Variants in ADH5 observed in about 807,000 individuals in gnomAD.
The protein encoded by ADH5 is alcohol dehydrogenase 5 (class III), chi polypeptide, also known as alcohol dehydrogenase class-3.
ADH5 carries 32 observed loss-of-function variants against 40.3 expected under a neutral mutation model. The observed-to-expected ratio is 0.79, with a 90% CI of 0.60 to 1.07. ADH5 has a LOEUF of 1.07. ADH5 is among the 50% of genes least tolerant of loss of function. The pLI is 0.00. For missense variants in ADH5, 353 were observed against 460.5 expected, an observed-to-expected ratio of 0.77 and a Z score of 2.14; for synonymous variants, 125 against 154.3, an observed-to-expected ratio of 0.81 and a Z score of 1.41.
Position 99,082,143 on chromosome 4 carries a change from T to C in ADH5, c.115-27A>G, listed in dbSNP as rs192301398. 16 of 1,609,208 alleles carry C rather than the reference T, an allele frequency of 9.9e-6. No individual in the cohort carries two copies. In the East Asian group the frequency reaches 3.1e-4, roughly 31 times the overall value. On this transcript the variant is annotated intron_variant, in intron 2 of 8. Coordinates refer to ENST00000296412, the MANE Select transcript of ADH5 (RefSeq NM_000671.4). ...TATCAGGACATTAAAACAACGAATG[T>C]GTAAGTATGTGTGCATGCAATTCAG...
At chr4:99,086,561 C>A (rs1455501585) in intron 1 of ADH5, among the ~76,000 whole-genome samples, 1 of 152,060 alleles carries the variant, frequency 6.6e-6, no homozygotes, top group Non-Finnish European at 1.5e-5. Context: ...TCACTTCTAA[C>A]CAGGATACTG....
In ADH5 at chr4:99,071,619, G is replaced by C. The variant is rs1364968987; in HGVS notation, c.*798C>G. 3 of 152,176 alleles carry C rather than the reference G, an allele frequency of 2.0e-5. No individual in the cohort carries two copies. The highest frequency in any genetic ancestry group is 6.5e-5 in the Admixed American group (1 of 15,276). 9.4% of individuals were successfully genotyped at this position (152,176 alleles called of 1,614,324 possible). On this transcript the variant is annotated 3_prime_UTR_variant, in exon 9 of 9. Coordinates refer to ENST00000296412, the MANE Select transcript of ADH5 (RefSeq NM_000671.4). ...GTAGATGGTTTAGGTTATACACAGT[G>C]AAAGTACAACAACACAGGAATGATA...
At position 99,076,928 on chromosome 4, in the gene ADH5, AG is replaced by A. The variant is rs763871729; in HGVS notation, c.345-6del. 5 of 1,594,678 alleles carry A rather than the reference AG, an allele frequency of 3.1e-6. No homozygotes were observed. Among genetic ancestry groups the A allele is most frequent in the East Asian group, 2.2e-5 (1 of 44,778 alleles). On this transcript the variant is annotated splice_region_variant and splice_polypyrimidine_tract_variant and intron_variant, in intron 4 of 8. Transcript: ENST00000296412. Reference sequence around the variant, plus strand: ...AATCCTTTCCCTTGAGTGACTCTAAAGAAAAAAAAAGGAAAAAGGCAAGTTG... The same window carrying A: ...AATCCTTTCCCTTGAGTGACTCTAAAAAAAAAAAAGGAAAAAGGCAAGTTG...
intron 6 of ADH5, 30 bp downstream of exon 6, chr4:99,076,262 A>G: frequency 6.3e-7 from 1 of 1,597,850 alleles, no homozygotes; most frequent in Non-Finnish European, 8.5e-7. Context: ...GCAGTTCCAT[A>G]AACTAAAAAG....
At chr4:99,078,605 A>C (rs1460055539) in intron 4 of ADH5, among the ~76,000 whole-genome samples, 1 of 152,046 alleles carries the variant, frequency 6.6e-6, no homozygotes, top group Non-Finnish European at 1.5e-5. Context: ...TTTCACCAAG[A>C]TGTGCAGGCT....
intron 2 of ADH5, among the ~76,000 whole-genome samples, chr4:99,082,935 C>T (rs1728054542): frequency 6.6e-6 from 1 of 152,184 alleles, no homozygotes; most frequent in Non-Finnish European, 1.5e-5. Context: ...CTTGGCCTCC[C>T]AAAGTGCTGG....
At chr4:99,079,129 C>T (rs982184335) in intron 4 of ADH5, among the ~76,000 whole-genome samples, 1 of 152,188 alleles carries the variant, frequency 6.6e-6, no homozygotes, top group African/African-American at 2.4e-5. Context: ...TCTTACGACT[C>T]AGCAATTATA....
rs192783552 is a variant in ADH5, at chr4:99,087,265, C to T, written c.12+1424G>A. On this transcript the variant is annotated intron_variant, in intron 1 of 8. Coordinates refer to ENST00000296412, the MANE Select transcript of ADH5 (RefSeq NM_000671.4). ...AGCATGGTGACGGGCGCCGGTAATC[C>T]CAGCTACTCGGGAGGCTGAGACAGG... Among the ~76,000 whole-genome samples the T allele has an allele frequency of 3.0e-3, 461 of 151,576 alleles. 9 individuals carry two copies. The highest frequency in any genetic ancestry group is 0.011 in the African/African-American group (443 of 41,334).
At chr4:99,083,518 T>G (rs1374634527) in intron 2 of ADH5, among the ~76,000 whole-genome samples, 2 of 147,116 alleles carry the variant, frequency 1.4e-5, no homozygotes, top group Non-Finnish European at 3.0e-5. Context: ...GAGAATTGCT[T>G]GAACCTGGGA....
At chr4:99,074,118 GTAGA>G (rs1727879714) in intron 7 of ADH5, among the ~76,000 whole-genome samples, 1 of 152,118 alleles carries the variant, frequency 6.6e-6, no homozygotes, top group Non-Finnish European at 1.5e-5. Flanking sequence ...ATAATATGAG[GTAGA>G]GGACCTTAAA....
At chr4:99,078,600 C>T in intron 4 of ADH5, among the ~76,000 whole-genome samples, 1 of 152,114 alleles carries the variant, frequency 6.6e-6, no homozygotes, top group Non-Finnish European at 1.5e-5. Flanking sequence ...GGGGGTTTCA[C>T]CAAGATGTGC....
chr4:99,072,428 C>A lies in ADH5; in HGVS notation c.1114G>T (p.Val372Leu). The part of the protein sequence containing the change: ...MHSGKSIRTV[V>L]KI ...TTTTCTCTTTTGAATTAAATCTTTA[C>A]AACAGTTCGAATGCTGTAAAAGGAA... Residue 372 changes from valine to leucine, a missense_variant, in exon 9 of 9, where the codon GTA becomes TTA. Transcript: ENST00000296412. 1 of 1,613,218 alleles carries A rather than the reference C, an allele frequency of 6.2e-7. No individual in the cohort carries two copies. The highest frequency in any genetic ancestry group is 8.5e-7 in the Non-Finnish European group (1 of 1,179,400).
In ADH5 at chr4:99,076,273, G is replaced by C. The variant is rs765043980; in HGVS notation, c.825+19C>G. On this transcript the variant is annotated intron_variant, in intron 6 of 8. Coordinates refer to ENST00000296412, the MANE Select transcript of ADH5 (RefSeq NM_000671.4). ...AAAAGCAGTTCCATAAACTAAAAAG[G>C]AATGAAGCCCATACTCACCATGACC... 1.2e-6 allele frequency: 2 copies of C among 1,608,224 alleles called. No individual in the cohort carries two copies. The highest frequency in any genetic ancestry group is 1.7e-6 in the Non-Finnish European group (2 of 1,176,304).
At chr4:99,087,512 C>T (rs1368759534) in intron 1 of ADH5, among the ~76,000 whole-genome samples, 2 of 152,032 alleles carry the variant, frequency 1.3e-5, no homozygotes, top group African/African-American at 4.8e-5. Flanking sequence ...TCAGACACTG[C>T]ATTAGAACCT....
intron 3 of ADH5, 105 bp downstream of exon 3, chr4:99,081,870 T>C: frequency 8.8e-7 from 1 of 1,142,584 alleles, no homozygotes; most frequent in Non-Finnish European, 1.2e-6. Context: ...ACAATCTACT[T>C]AGATGATACC....
At chr4:99,073,782 A>G (rs557006751) in intron 7 of ADH5, among the ~76,000 whole-genome samples, 2 of 152,356 alleles carry the variant, frequency 1.3e-5, no homozygotes, top group African/African-American at 2.4e-5. Flanking sequence ...CCTCAATGAT[A>G]CAATGAATTT....
intron 1 of ADH5, among the ~76,000 whole-genome samples, chr4:99,087,481 T>G (rs1270100917): frequency 6.6e-6 from 1 of 152,174 alleles, no homozygotes; most frequent in African/African-American, 2.4e-5. Context: ...TTGCAGATAT[T>G]AAATCTCATA....
Position 99,088,721 on chromosome 4 carries a change from G to T in ADH5, c.-21C>A, listed in dbSNP as rs868672962. 1 of 1,606,104 alleles carries T rather than the reference G, an allele frequency of 6.2e-7. No individual in the cohort carries two copies. The highest frequency in any genetic ancestry group is 2.3e-5 in the East Asian group (1 of 44,424). On this transcript the variant is annotated 5_prime_UTR_variant, in exon 1 of 9. Coordinates refer to ENST00000296412, the MANE Select transcript of ADH5 (RefSeq NM_000671.4). ...GCCATGTTCACGGATTCTGGTCGGC[G>T]CGGGGGGCTGACATCCGGGGTGGGC...
In ADH5 at chr4:99,085,217, C is replaced by T. The variant is rs1377225998; in HGVS notation, c.13-1G>A. On this transcript the variant is annotated splice_acceptor_variant, in intron 1 of 8. Transcript: ENST00000296412. LOFTEE classifies it high-confidence loss of function. ...CAACTGCAGCCTTGCACTTGATAAC[C>T]TGAAGTGGGGAAAAAAGGGAATAAG... 5.4e-6 allele frequency: 8 copies of T among 1,478,412 alleles called. No homozygotes were observed. The highest frequency in any genetic ancestry group is 1.4e-5 in the African/African-American group (1 of 70,766). 91.6% of individuals were successfully genotyped at this position (1,478,412 alleles called of 1,614,324 possible). A position where few individuals can be genotyped will look rare whatever the true frequency, so the allele number is the denominator to read the frequency against.
Sources: gnomAD v4.1 joint callset for allele counts (sites outside exome capture counted in the v4.1 genomes callset) on GRCh38, gnomAD v4.1.1 for gene constraint, MANE v1.5 for transcripts, NCBI Gene and HGNC (gene_info 2026-07-23, HGNC 2026-07-21) for gene names.